Variants in MACO1 observed in about 807,000 individuals in gnomAD.
MACO1 encodes macoilin 1.
Under a neutral mutation model 78.7 loss-of-function variants are expected in MACO1, and 14 were observed. The ratio of observed to expected loss-of-function variants is 0.18; its 90% CI spans 0.12 to 0.28. MACO1 has a LOEUF of 0.28. Among genes scored for constraint, MACO1 ranks in the 10% least tolerant of loss-of-function variants. The pLI, the probability that MACO1 is intolerant of heterozygous loss-of-function variation, is 1.00. For missense variants in MACO1, 501 were observed against 799.0 expected (o/e 0.63, Z 4.50); for synonymous variants, 288 against 291.6 (o/e 0.99, Z 0.12).
intron 6 of MACO1, 148 bp from the exon 7 acceptor site, chr1:25,483,968 T>C: frequency 1.4e-6 from 1 of 715,834 alleles, no homozygotes; most frequent in Non-Finnish European, 2.2e-6. Flanking sequence ...TTAACCCAGT[T>C]GCAGACAGGA....
intron 3 of MACO1, 48 bp from the exon 4 acceptor site, chr1:25,454,211 G>A: frequency 6.7e-7 from 1 of 1,492,744 alleles, no homozygotes; most frequent in Non-Finnish European, 9.0e-7. Context: ...CCATCTGTTA[G>A]TTACTATATC....
At chr1:25,461,160 A>G (rs2043167473) in intron 6 of MACO1, among the ~76,000 whole-genome samples, 1 of 135,762 alleles carries the variant, frequency 7.4e-6, no homozygotes. Context: ...GAATTGAACA[A>G]GGAGAACACA....
At chr1:25,444,023 G>A (rs887449732) in intron 1 of MACO1, among the ~76,000 whole-genome samples, 1 of 151,636 alleles carries the variant, frequency 6.6e-6, no homozygotes, top group Admixed American at 6.6e-5. Context: ...AGGCCAAGGC[G>A]GGCAGATCAC....
chr1:25,477,369 A>T (rs571665201), intron 6 of MACO1, among the ~76,000 whole-genome samples: 11,117 of 152,244 alleles, frequency 0.073, 1,321 homozygotes, highest in African/African-American at 0.25. Context: ...GGTTTGTTAG[A>T]AAACCTACCT....
At chr1:25,480,190 T>C (rs2043359036) in intron 6 of MACO1, among the ~76,000 whole-genome samples, 2 of 152,178 alleles carry the variant, frequency 1.3e-5, no homozygotes, top group Admixed American at 1.3e-4. Context: ...TAATGAAAAA[T>C]TGTCCATCAT....
intron 6 of MACO1, among the ~76,000 whole-genome samples, chr1:25,467,092 C>T (rs1286800907): frequency 6.6e-6 from 1 of 152,066 alleles, no homozygotes; most frequent in African/African-American, 2.4e-5. Context: ...AACCTTGTCT[C>T]TGCTAAAAAT....
intron 6 of MACO1, among the ~76,000 whole-genome samples, chr1:25,477,701 A>G (rs1261643983): frequency 1.3e-5 from 2 of 152,164 alleles, no homozygotes; most frequent in African/African-American, 4.8e-5. Context: ...GGGGAAATTT[A>G]CTGCCCTGAT....
intron 1 of MACO1, among the ~76,000 whole-genome samples, chr1:25,436,549 G>T (rs1286761711): frequency 6.6e-6 from 1 of 152,036 alleles, no homozygotes; most frequent in East Asian, 1.9e-4. Context: ...GAAGTTGGCT[G>T]TCCAGCAAGC....
intron 4 of MACO1, among the ~76,000 whole-genome samples, chr1:25,456,273 A>G (rs1006559866): frequency 3.3e-5 from 5 of 151,488 alleles, no homozygotes; most frequent in African/African-American, 7.3e-5. Flanking sequence ...AAAAAAAAAA[A>G]GGGTACAGGT....
intron 6 of MACO1, among the ~76,000 whole-genome samples, chr1:25,462,898 C>G (rs942582382): frequency 2.6e-5 from 3 of 117,346 alleles, no homozygotes; most frequent in Non-Finnish European, 5.8e-5. Context: ...CCAAATCTGG[C>G]CCACTGCCTG....
intron 5 of MACO1, among the ~76,000 whole-genome samples, chr1:25,457,700 A>G (rs2043133522): frequency 1.3e-5 from 2 of 152,180 alleles, no homozygotes; most frequent in Non-Finnish European, 1.5e-5. Context: ...GCTAGTTTCC[A>G]TTGGTTTGAA....
In MACO1 at chr1:25,431,203, C is replaced by T. The variant is rs747502350; in HGVS notation, c.80+25C>T. 10 of 1,568,474 alleles carry T rather than the reference C, an allele frequency of 6.4e-6. No homozygotes were observed. The East Asian group carries it at 2.2e-4, about 34-fold the overall frequency. On this transcript the variant is annotated intron_variant, in intron 1 of 10. Coordinates refer to ENST00000374343, the MANE Select transcript of MACO1 (RefSeq NM_018202.6). Reference sequence around the variant, plus strand: ...GGTGAGCGGCTGCACCCCCACTCCGCGGGCGCGGGCCCTGCGGTCCCCCTC... The same window carrying T: ...GGTGAGCGGCTGCACCCCCACTCCGTGGGCGCGGGCCCTGCGGTCCCCCTC...
At chr1:25,497,466 A>G (rs1413344540) in intron 10 of MACO1, among the ~76,000 whole-genome samples, 2 of 152,196 alleles carry the variant, frequency 1.3e-5, no homozygotes, top group South Asian at 4.1e-4. Context: ...AAGTAGAAAC[A>G]GAATCCTCAA....
chr1:25,434,808 G>A (rs924117855), intron 1 of MACO1, among the ~76,000 whole-genome samples: 1 of 152,092 alleles, frequency 6.6e-6, no homozygotes, highest in African/African-American at 2.4e-5. Context: ...CCTTGTGTCT[G>A]CCTAGACACA....
At chr1:25,486,529 T>C (rs1395845237) in intron 8 of MACO1, among the ~76,000 whole-genome samples, 2 of 152,218 alleles carry the variant, frequency 1.3e-5, no homozygotes, top group African/African-American at 2.4e-5. Flanking sequence ...TTTGCAGATA[T>C]AGAGCGAGGG....
chr1:25,450,917 G>A (rs2043059540), intron 3 of MACO1, among the ~76,000 whole-genome samples: 2 of 152,126 alleles, frequency 1.3e-5, no homozygotes, highest in South Asian at 4.1e-4. Flanking sequence ...AATATTCTGT[G>A]ACTTTGATGA....
intron 1 of MACO1, among the ~76,000 whole-genome samples, chr1:25,445,564 CT>C (rs1350801514): frequency 2.7e-5 from 4 of 150,938 alleles, no homozygotes; most frequent in East Asian, 1.9e-4. Flanking sequence ...TTTCTTTTTT[CT>C]TTTTTTCTCT....
chr1:25,461,303 T>C (rs998597003), intron 6 of MACO1, among the ~76,000 whole-genome samples: 5 of 152,020 alleles, frequency 3.3e-5, no homozygotes, highest in Non-Finnish European at 5.9e-5. Flanking sequence ...ATGGCACGTG[T>C]ATACATATGT....
chr1:25,463,307 G>T (rs901930516), intron 6 of MACO1, among the ~76,000 whole-genome samples: 4 of 152,242 alleles, frequency 2.6e-5, no homozygotes, highest in African/African-American at 9.6e-5. Context: ...ATGCTGGGTA[G>T]ATTGCTAAGG....
Sources: allele counts gnomAD v4.1 joint callset (sites outside exome capture counted in the v4.1 genomes callset), GRCh38; gene constraint gnomAD v4.1.1; transcripts MANE v1.5; gene names NCBI Gene and HGNC (gene_info 2026-07-23, HGNC 2026-07-21).